The following ZEB1 variants were observed in gnomAD, a reference collection of about 807,000 sequenced individuals.
ZEB1 encodes zinc finger E-box-binding homeobox 1.
ZEB1 carries 21 observed loss-of-function variants against 84.9 expected under a neutral mutation model. The observed-to-expected ratio is 0.25, with a 90% CI of 0.18 to 0.36. ZEB1 has a LOEUF of 0.36. Among genes scored for constraint, ZEB1 ranks in the 10% least tolerant of loss-of-function variants. The pLI is 1.00. For missense variants in ZEB1, 1,104 were observed against 1,330.2 expected (o/e 0.83, Z 2.65); for synonymous variants, 420 against 471.1 (o/e 0.89, Z 1.41).
At chr10:31,357,022 A>G (rs2042231799) in intron 1 of ZEB1, among the ~76,000 whole-genome samples, 1 of 152,188 alleles carries the variant, frequency 6.6e-6, no homozygotes, top group Non-Finnish European at 1.5e-5. Context: ...TATTTGGCCC[A>G]TAGGCTGTTG....
chr10:31,398,771 C>T (rs2051314209), intron 1 of ZEB1, among the ~76,000 whole-genome samples: 1 of 152,076 alleles, frequency 6.6e-6, no homozygotes, highest in South Asian at 2.1e-4. Flanking sequence ...CTTTTAGATA[C>T]TATACTACAC....
intron 1 of ZEB1, among the ~76,000 whole-genome samples, chr10:31,378,662 T>C (rs1226755412): frequency 6.6e-6 from 1 of 151,910 alleles, no homozygotes; most frequent in African/African-American, 2.4e-5. Context: ...ATTTGCTTAC[T>C]GCGGTGTATT....
At chr10:31,325,971 T>G (rs1195630639) in intron 1 of ZEB1, among the ~76,000 whole-genome samples, 2 of 150,896 alleles carry the variant, frequency 1.3e-5, no homozygotes, top group Admixed American at 6.6e-5. Flanking sequence ...TTTTGGGTTT[T>G]TTTTTTTTTT....
chr10:31,427,581 G>A (rs544952191), intron 1 of ZEB1, among the ~76,000 whole-genome samples: 68 of 152,174 alleles, frequency 4.5e-4, no homozygotes, highest in African/African-American at 1.2e-3. Context: ...GGCCAGGCGC[G>A]GTGGCTCAAC....
chr10:31,463,835 T>G (rs1474549064), intron 2 of ZEB1, among the ~76,000 whole-genome samples: 1 of 152,160 alleles, frequency 6.6e-6, no homozygotes. Context: ...GAAATATACC[T>G]TCATCCTAGT....
chr10:31,385,654 A>G (rs1175885663), intron 1 of ZEB1, among the ~76,000 whole-genome samples: 3 of 151,660 alleles, frequency 2.0e-5, no homozygotes, highest in East Asian at 1.9e-4. Flanking sequence ...AGCCCCCCCA[A>G]GTAACTGGGA....
intron 2 of ZEB1, among the ~76,000 whole-genome samples, chr10:31,473,926 C>A (rs1036995975): frequency 4.6e-5 from 7 of 151,832 alleles, no homozygotes; most frequent in African/African-American, 1.5e-4. Context: ...ACTATCTGAT[C>A]TTTGACAAAC....
intron 1 of ZEB1, among the ~76,000 whole-genome samples, chr10:31,427,433 C>T (rs1564818628): frequency 1.3e-5 from 2 of 152,090 alleles, no homozygotes; most frequent in East Asian, 3.9e-4. Flanking sequence ...CTTCAGTGAG[C>T]CCTGGTTGAT....
At chr10:31,319,566 C>G in intron 1 of ZEB1, 3 of 420,622 alleles carry the variant, frequency 7.1e-6, no homozygotes, top group East Asian at 4.2e-5. Flanking sequence ...CTCCCTGGAC[C>G]GTTAGCCGGC....
chr10:31,353,295 A>C (rs559302277), intron 1 of ZEB1, among the ~76,000 whole-genome samples: 1 of 152,376 alleles, frequency 6.6e-6, no homozygotes, highest in South Asian at 2.1e-4. Flanking sequence ...ATCATAATTC[A>C]TCTAAAGTCT....
In ZEB1 at chr10:31,520,826, A is replaced by G; in HGVS notation, c.1494A>G (p.Pro498=). ...VVPQNLKKEN[P]VATNSCKSEK... ...CTCAAAATTTAAAAAAAGAAAATCC[A>G]GTCGCTACAAACAGTTGTAAAAGTG... The change falls in exon 7 of 9, where the codon CCA becomes CCG. Residue 498 remains proline, a synonymous_variant. Coordinates refer to ENST00000424869, the MANE Select transcript of ZEB1 (RefSeq NM_001174096.2). The surrounding 1 kb of genome is among the most constrained non-coding windows in gnomAD (Gnocchi z 5.1). 1 of 1,614,094 alleles carries G rather than the reference A, an allele frequency of 6.2e-7. No individual in the cohort carries two copies. Among genetic ancestry groups the G allele is most frequent in the East Asian group, 2.2e-5 (1 of 44,868 alleles).
chr10:31,403,452 T>C (rs161282), intron 1 of ZEB1, among the ~76,000 whole-genome samples: 11,959 of 151,992 alleles, frequency 0.079, 673 homozygotes, highest in African/African-American at 0.16. Context: ...TTCTCTAATA[T>C]TCAGTTTTCT....
intron 2 of ZEB1, among the ~76,000 whole-genome samples, chr10:31,468,163 G>T (rs1276385994): frequency 6.6e-6 from 1 of 152,172 alleles, no homozygotes; most frequent in Non-Finnish European, 1.5e-5. Flanking sequence ...GCCTCAGAGA[G>T]CCTGATCACG....
At position 31,520,793 on chromosome 10, in the gene ZEB1, A is replaced by C. The variant is rs1263373946; in HGVS notation, c.1461A>C (p.Gln487His). 6.2e-7 allele frequency: 1 copy of C among 1,614,074 alleles called. No individual in the cohort carries two copies. The highest frequency in any genetic ancestry group is 1.7e-5 in the Admixed American group (1 of 60,006). Residue 487 changes from glutamine to histidine, a missense_variant, in exon 7 of 9, where the codon CAA (glutamine) becomes CAC (histidine). By Grantham distance (24) the Gln-to-His change is conservative. This residue lies in a region of ZEB1 where 531 missense variants were observed against 575.2 expected (regional missense o/e 0.92). Coordinates refer to ENST00000424869, the MANE Select transcript of ZEB1 (RefSeq NM_001174096.2). This position sits in a 1 kb window ranked among gnomAD's most constrained non-coding sequence, Gnocchi z 5.1. ...GTCTTGAGCAGCCTAGCCAACTTCA[A>C]GTTGTTCCTCAAAATTTAAAAAAAG... ...NYSLEQPSQLQVVPQNLKKEN... is the reference protein window; with the variant it reads ...NYSLEQPSQLHVVPQNLKKEN...
chr10:31,369,722 T>C (rs1004964496), intron 1 of ZEB1, among the ~76,000 whole-genome samples: 1 of 152,216 alleles, frequency 6.6e-6, no homozygotes, highest in African/African-American at 2.4e-5. Context: ...TAACCAGAAG[T>C]GGGATCACTA....
intron 3 of ZEB1, among the ~76,000 whole-genome samples, chr10:31,497,969 A>ATAGATAGATAGC (rs1554910970): frequency 1.3e-5 from 2 of 150,856 alleles, no homozygotes; most frequent in African/African-American, 4.9e-5. Flanking sequence ...AGATAGATAG[A>ATAGATAGATAGC]TAGATTTAAA....
At chr10:31,365,488 C>A (rs1466286167) in intron 1 of ZEB1, among the ~76,000 whole-genome samples, 1 of 152,148 alleles carries the variant, frequency 6.6e-6, no homozygotes, top group East Asian at 1.9e-4. Context: ...AATTGCATGT[C>A]TGTTGTTATG....
At chr10:31,501,428 G>A (rs911767184) in intron 3 of ZEB1, among the ~76,000 whole-genome samples, 4 of 152,202 alleles carry the variant, frequency 2.6e-5, no homozygotes, top group Non-Finnish European at 5.9e-5. Flanking sequence ...CAGAAATAGA[G>A]AAAGAATAGG....
intron 1 of ZEB1, among the ~76,000 whole-genome samples, chr10:31,390,992 A>G (rs1322843756): frequency 1.3e-5 from 2 of 152,060 alleles, no homozygotes; most frequent in African/African-American, 2.4e-5. Flanking sequence ...TCATTGCACC[A>G]CCTCTCTCCA....
Sources: gnomAD v4.1 joint callset for allele counts (sites outside exome capture counted in the v4.1 genomes callset) on GRCh38, gnomAD v4.1.1 for gene constraint, gnomAD v4.1.1 regional missense constraint, Gnocchi (gnomAD v3.1) non-coding constraint, MANE v1.5 for transcripts, NCBI Gene and HGNC (gene_info 2026-07-23, HGNC 2026-07-21) for gene names.